FSTL3: variants seen among roughly 807,000 people sequenced by gnomAD.
The protein encoded by FSTL3 is follistatin-related protein 3.
FSTL3 carries 21 observed loss-of-function variants against 28.1 expected under a neutral mutation model. The observed-to-expected ratio is 0.75, with a 90% confidence interval of 0.53 to 1.08. FSTL3 has a LOEUF of 1.08. Among genes scored for constraint, FSTL3 ranks in the 50% least tolerant of loss-of-function variants. The pLI is 0.00. For missense variants in FSTL3, 400 were observed against 380.9 expected, an observed-to-expected ratio of 1.05 and a Z score of -0.42; for synonymous variants, 199 against 164.2, an observed-to-expected ratio of 1.21 and a Z score of -1.62.
chr19:678,520 TTTTTTC>T (rs1158414989), intron 2 of FSTL3, among the ~76,000 whole-genome samples: 2 of 129,684 alleles, frequency 1.5e-5, no homozygotes, highest in African/African-American at 3.2e-5. Flanking sequence ...TTTTTTTTTT[TTTTTTC>T]CTGAGATGGA....
intron 1 of FSTL3, among the ~76,000 whole-genome samples, chr19:677,571 A>T: frequency 9.0e-5 from 1 of 11,138 alleles, no homozygotes; most frequent in Non-Finnish European, 2.1e-4. Context: ...GTTGGTGGTG[A>T]GGCTGTGGGG....
Position 683,126 on chromosome 19 carries a change from G to A in FSTL3, c.*1418G>A, listed in dbSNP as rs941391898. 5 of 232,898 alleles carry A rather than the reference G, an allele frequency of 2.1e-5. No homozygotes were observed. Among genetic ancestry groups the A allele is most frequent in the Non-Finnish European group, 8.5e-6 (1 of 117,660 alleles). The allele number at this position is 232,898 out of a possible 1,614,324, so 14.4% of individuals were successfully genotyped here. On this transcript the variant is annotated 3_prime_UTR_variant, in exon 5 of 5. Transcript: ENST00000166139. ...TCCATCTGCGTTGATGCTCAGAATCGCCTACCTGTGCCTGCGTGTAAACCA... is the reference window on the plus strand; with the variant it reads ...TCCATCTGCGTTGATGCTCAGAATCACCTACCTGTGCCTGCGTGTAAACCA...
Position 676,454 on chromosome 19 carries a change from C to T in FSTL3, c.31C>T (p.Pro11Ser). The T allele has an allele frequency of 8.3e-7, 1 of 1,211,142 alleles. No homozygotes were observed. The highest frequency in any genetic ancestry group is 1.0e-6 in the Non-Finnish European group (1 of 971,600). 75.0% of individuals were successfully genotyped at this position (1,211,142 alleles called of 1,614,324 possible). A position where few individuals can be genotyped will look rare whatever the true frequency, so the allele number is the denominator to read the frequency against. The change falls in exon 1 of 5, where the codon CCT becomes TCT. Residue 11 changes from proline (P) to serine (S), a missense_variant. Coordinates refer to ENST00000166139, the MANE Select transcript of FSTL3 (RefSeq NM_005860.3). ...TCCCGGGGCGCCAGGGCCACTCTGG[C>T]CTCTGCCCTGGGGGGCCCTGGCTTG... Reference protein sequence around the residue: MRPGAPGPLWPLPWGALAWAV... With the variant: MRPGAPGPLWSLPWGALAWAV...
In FSTL3 at chr19:681,577, G is replaced by T; in HGVS notation, c.733+17G>T. On this transcript the variant is annotated intron_variant, in intron 4 of 4. Transcript: ENST00000166139. ...GCTGCGCAGGTGCAGACGCAGGGCG[G>T]GGGCACAGGCCTGTCCTGGGGGCCG... 6.2e-7 allele frequency: 1 copy of T among 1,601,410 alleles called. No individual in the cohort carries two copies.
chr19:679,174 C>T (rs1388181756), intron 2 of FSTL3, among the ~76,000 whole-genome samples: 1 of 152,150 alleles, frequency 6.6e-6, no homozygotes, highest in Non-Finnish European at 1.5e-5. Context: ...GCCCAGGACC[C>T]CCCACCCCCA....
chr19:677,647 CAT>C (rs1415784337), intron 1 of FSTL3, 143 bp from the exon 2 acceptor site: 7 of 756,158 alleles, frequency 9.3e-6, no homozygotes, highest in South Asian at 1.8e-5. Flanking sequence ...TGGGGACACC[CAT>C]GTGGTTTTCT....
intron 2 of FSTL3, among the ~76,000 whole-genome samples, chr19:679,339 C>T (rs978583373): frequency 2.6e-5 from 4 of 152,190 alleles, no homozygotes; most frequent in African/African-American, 7.2e-5. Flanking sequence ...GCGTGGCGGG[C>T]GCTGGCCATC....
chr19:676,797 C>G (rs1040903077), intron 1 of FSTL3, among the ~76,000 whole-genome samples: 2 of 152,212 alleles, frequency 1.3e-5, no homozygotes, highest in African/African-American at 4.8e-5. Flanking sequence ...TGCCGGAGCT[C>G]TCTTCATCTC....
At position 682,467 on chromosome 19, in the gene FSTL3, C is replaced by T. The variant is rs1006188807; in HGVS notation, c.*759C>T. ...GTGTGGGGACCTCAGAACACTGTGA[C>T]CTTAGCCCAGCAAGCCAGGCCCTTC... On this transcript the variant is annotated 3_prime_UTR_variant, in exon 5 of 5. Transcript: ENST00000166139. 3.0e-5 allele frequency: 7 copies of T among 233,786 alleles called. No individual in the cohort carries two copies. The highest frequency in any genetic ancestry group is 5.1e-5 in the Non-Finnish European group (6 of 118,454). 14.5% of individuals were successfully genotyped at this position (233,786 alleles called of 1,614,324 possible).
chr19:676,553 CG>C, intron 1 of FSTL3, 27 bp downstream of exon 1: 1 of 344,712 alleles, frequency 2.9e-6, no homozygotes, highest in Non-Finnish European at 4.1e-6. Context: ...GAGGGGCGGG[CG>C]GGGCGGGCCA....
chr19:679,791 C>G (rs1376471171), intron 2 of FSTL3, among the ~76,000 whole-genome samples: 3 of 152,186 alleles, frequency 2.0e-5, no homozygotes, highest in African/African-American at 7.2e-5. Flanking sequence ...GAGGGCCGTC[C>G]AGCGCCCCGC....
At chr19:676,799 C>A (rs2144796409) in intron 1 of FSTL3, among the ~76,000 whole-genome samples, 1 of 152,276 alleles carries the variant, frequency 6.6e-6, no homozygotes, top group Admixed American at 6.5e-5. Flanking sequence ...CCGGAGCTCT[C>A]TTCATCTCCG....
intron 1 of FSTL3, among the ~76,000 whole-genome samples, 163 bp downstream of exon 1, chr19:676,689 G>A (rs1218999311): frequency 1.3e-5 from 2 of 152,140 alleles, no homozygotes; most frequent in African/African-American, 2.4e-5. Flanking sequence ...TCACCAAGAG[G>A]TCAGCAGAGC....
In FSTL3 at chr19:683,129, T is replaced by C. The variant is rs1248673588; in HGVS notation, c.*1421T>C. 5 of 232,842 alleles carry C rather than the reference T, an allele frequency of 2.1e-5. No individual in the cohort carries two copies. The highest frequency in any genetic ancestry group is 5.6e-5 in the Admixed American group (1 of 17,762). The allele number at this position is 232,842 out of a possible 1,614,324, so 14.4% of individuals were successfully genotyped here. ...ATCTGCGTTGATGCTCAGAATCGCC[T>C]ACCTGTGCCTGCGTGTAAACCACAG... is the stretch of plus-strand genomic sequence containing the variant. On this transcript the variant is annotated 3_prime_UTR_variant, in exon 5 of 5. Coordinates refer to ENST00000166139, the MANE Select transcript of FSTL3 (RefSeq NM_005860.3).
chr19:677,652 G>A, intron 1 of FSTL3, 140 bp from the exon 2 acceptor site: 1 of 800,598 alleles, frequency 1.2e-6, no homozygotes, highest in Non-Finnish European at 1.9e-6. Context: ...ACACCCATGT[G>A]GTTTTCTGCC....
chr19:677,481 T>G (rs1370725357), intron 1 of FSTL3, among the ~76,000 whole-genome samples: 1 of 150,790 alleles, frequency 6.6e-6, no homozygotes, highest in Non-Finnish European at 1.5e-5. Context: ...TTTGGTGGTG[T>G]TTGAGGGGTT....
intron 1 of FSTL3, among the ~76,000 whole-genome samples, chr19:676,976 A>T (rs995001154): frequency 1.3e-5 from 2 of 152,060 alleles, no homozygotes; most frequent in Admixed American, 1.3e-4. Flanking sequence ...TCCTGGGTAG[A>T]CGGGGCATGG....
chr19:680,191 G>T, intron 2 of FSTL3, 83 bp from the exon 3 acceptor site: 1 of 874,436 alleles, frequency 1.1e-6, no homozygotes, highest in South Asian at 3.2e-5. Flanking sequence ...AAGGGGCGCA[G>T]GGAGGGGCCC....
rs774492895 is a variant in FSTL3, at chr19:680,371, G to A, written c.387G>A (p.Pro129=). 1.6e-6 allele frequency: 2 copies of A among 1,281,464 alleles called. No homozygotes were observed. Among genetic ancestry groups the A allele is most frequent in the South Asian group, 2.5e-5 (1 of 39,462 alleles). The allele number at this position is 1,281,464 out of a possible 1,614,324, so 79.4% of individuals were successfully genotyped here. The change falls in exon 3 of 5, where the codon CCG becomes CCA. Residue 129 remains proline (P), a synonymous_variant. Coordinates refer to ENST00000166139, the MANE Select transcript of FSTL3 (RefSeq NM_005860.3). Reference sequence around the variant, plus strand: ...GCGCGCCCGACTGCTCGGGGCTCCCGGCGCGGCTGCAGGTCTGCGGCTCAG... The same window carrying A: ...GCGCGCCCGACTGCTCGGGGCTCCCAGCGCGGCTGCAGGTCTGCGGCTCAG... ...CECAPDCSGL[P]ARLQVCGSDG...
Sources: gnomAD v4.1 joint callset for allele counts (sites outside exome capture counted in the v4.1 genomes callset) on GRCh38, gnomAD v4.1.1 for gene constraint, MANE v1.5 for transcripts, NCBI Gene and HGNC (gene_info 2026-07-23, HGNC 2026-07-21) for gene names.